FARP2: variants seen among roughly 807,000 people sequenced by gnomAD.
FARP2 encodes the protein FERM, ARH/RhoGEF and pleckstrin domain protein 2.
In FARP2, 111 loss-of-function variants were observed where a neutral mutation model predicts 130.5. The observed-to-expected ratio is 0.85, with a 90% CI of 0.73 to 1.00. The LOEUF (loss-of-function observed/expected upper bound fraction) is 1.00. Ranked by LOEUF, FARP2 falls within the 50% of genes least tolerant of loss-of-function variation. FARP2 has a pLI of 0.00. For synonymous variants in FARP2, 504 were observed against 516.9 expected (o/e 0.98, Z 0.34); for missense variants, 1,385 against 1,346.3 (o/e 1.03, Z -0.45).
At chr2:241,411,503 C>T (rs1291396492) in intron 6 of FARP2, among the ~76,000 whole-genome samples, 3 of 152,194 alleles carry the variant, frequency 2.0e-5, no homozygotes, top group African/African-American at 7.2e-5. Context: ...AAGTTACAGT[C>T]CTCTCAGATT....
chr2:241,427,121 G>C (rs1349366726), intron 8 of FARP2, among the ~76,000 whole-genome samples: 1 of 152,102 alleles, frequency 6.6e-6, no homozygotes, highest in Non-Finnish European at 1.5e-5. Context: ...TGTAATGCCA[G>C]CTACTCAGGA....
At chr2:241,483,436 T>C (rs1213563929) in intron 19 of FARP2, 29 bp from the exon 20 acceptor site, 3 of 1,609,202 alleles carry the variant, frequency 1.9e-6, no homozygotes, top group Non-Finnish European at 1.7e-6. Flanking sequence ...CTCAGCCCGC[T>C]GAAAGGGGAC....
At chr2:241,363,191 G>A (rs2061229328) in intron 1 of FARP2, among the ~76,000 whole-genome samples, 2 of 152,258 alleles carry the variant, frequency 1.3e-5, no homozygotes, top group South Asian at 4.1e-4. Flanking sequence ...AACAGGGAGA[G>A]CTACAGAGTA....
intron 2 of FARP2, among the ~76,000 whole-genome samples, chr2:241,376,457 A>G (rs909929625): frequency 6.6e-6 from 1 of 152,204 alleles, no homozygotes; most frequent in East Asian, 1.9e-4. Flanking sequence ...TGGAAGTGCA[A>G]TTGTCTGTGC....
chr2:241,475,389 C>T lies in FARP2; in HGVS notation c.2132-468C>T, dbSNP rs1426947478. Among the ~76,000 whole-genome samples, 1 of 152,174 alleles carries T rather than the reference C, an allele frequency of 6.6e-6. No individual in the cohort carries two copies. Among genetic ancestry groups the T allele is most frequent in the African/African-American group, 2.4e-5 (1 of 41,416 alleles). On this transcript the variant is annotated intron_variant, in intron 18 of 26. Transcript: ENST00000264042. This position sits in a 1 kb window ranked among gnomAD's most constrained non-coding sequence, Gnocchi z 4.4. ...GACTAGTACCAGTCCAGTCCATAGC[C>T]TGTTAGGAACCAGGCCACACGGCAG...
intron 17 of FARP2, chr2:241,466,141 G>A (rs2064162582): frequency 1.9e-6 from 2 of 1,068,164 alleles, no homozygotes; most frequent in Non-Finnish European, 2.3e-6. Context: ...CCAAATCTGG[G>A]TGTCAGAGGC....
chr2:241,486,824 G>A (rs975040437), intron 21 of FARP2, among the ~76,000 whole-genome samples: 3 of 152,178 alleles, frequency 2.0e-5, no homozygotes, highest in African/African-American at 4.8e-5. Flanking sequence ...GAGCACCTGC[G>A]CCAGCTGACC....
chr2:241,385,023 A>G (rs1219500589), intron 2 of FARP2, among the ~76,000 whole-genome samples: 3 of 152,372 alleles, frequency 2.0e-5, no homozygotes, highest in South Asian at 4.1e-4. Context: ...TAAATTGTAC[A>G]TAAGTCCTAA....
At chr2:241,366,125 A>ATATATATATACATATATATATATATG (rs1553705676) in intron 1 of FARP2, among the ~76,000 whole-genome samples, 6 of 67,362 alleles carry the variant, frequency 8.9e-5, no homozygotes, top group African/African-American at 2.8e-4. Flanking sequence ...ATATATACGT[A>ATATATATATACATATATATATATATG]TATATATATA....
intron 2 of FARP2, among the ~76,000 whole-genome samples, chr2:241,401,344 G>C (rs1176402576): frequency 6.6e-6 from 1 of 152,164 alleles, no homozygotes; most frequent in East Asian, 1.9e-4. Flanking sequence ...GAAGAAGTAA[G>C]AATGCTCTTG....
At position 241,413,343 on chromosome 2, in the gene FARP2, A is replaced by C. The variant is rs765663592; in HGVS notation, c.545A>C (p.Glu182Ala). Residue 182 changes from glutamate (E) to alanine (A), a missense_variant, in exon 7 of 27, where the codon GAG becomes GCG. By Grantham distance (107) the Glu-to-Ala change is moderately radical (BLOSUM62 -1). Coordinates refer to ENST00000264042, the MANE Select transcript of FARP2 (RefSeq NM_014808.4). ...IGDYDETLDR[E>A]HLKVNEYLPG... is the part of the protein sequence containing the mutation. ...GATTACGATGAAACGCTGGACCGAG[A>C]GCACCTCAAAGTGAACGAGTATTTG... 7.4e-6 allele frequency: 12 copies of C among 1,612,216 alleles called. No homozygotes were observed. The East Asian group carries it at 2.7e-4, about 36-fold the overall frequency.
intron 21 of FARP2, among the ~76,000 whole-genome samples, chr2:241,487,743 ACTCT>A (rs1468897291): frequency 1.6e-4 from 7 of 44,264 alleles, no homozygotes; most frequent in African/African-American, 5.0e-4. Flanking sequence ...AGCCTAGCCT[ACTCT>A]TTTTTTTTTT....
intron 8 of FARP2, among the ~76,000 whole-genome samples, chr2:241,428,276 C>T (rs2063006672): frequency 1.5e-5 from 2 of 136,140 alleles, no homozygotes; most frequent in South Asian, 2.3e-4. Context: ...CCTTTGTCGT[C>T]CAGGCTGGAG....
At chr2:241,465,908 C>T in intron 17 of FARP2, 3 of 1,434,036 alleles carry the variant, frequency 2.1e-6, no homozygotes, top group Non-Finnish European at 2.7e-6. Flanking sequence ...TGCATTCAGC[C>T]TAGGTGCCCT....
chr2:241,452,730 C>T (rs758872383), intron 13 of FARP2, among the ~76,000 whole-genome samples: 43 of 151,932 alleles, frequency 2.8e-4, no homozygotes, highest in Admixed American at 6.6e-5. Flanking sequence ...CACCTGAAGT[C>T]ATGAGTTCGA....
intron 20 of FARP2, 145 bp from the exon 21 acceptor site, chr2:241,484,097 G>T: frequency 6.9e-7 from 1 of 1,440,888 alleles, no homozygotes; most frequent in Non-Finnish European, 9.2e-7. Flanking sequence ...CCAAATGAAT[G>T]AATAAAAGTC....
chr2:241,463,652 G>C, intron 16 of FARP2, 184 bp downstream of exon 16: 1 of 737,990 alleles, frequency 1.4e-6, no homozygotes. Flanking sequence ...TTCCAGAAAA[G>C]AGAGTGCAAG....
At chr2:241,371,930 C>A (rs929691217) in intron 1 of FARP2, among the ~76,000 whole-genome samples, 8 of 152,024 alleles carry the variant, frequency 5.3e-5, no homozygotes, top group Admixed American at 6.6e-5. Flanking sequence ...CTAGCCTGAT[C>A]TTCGTTAAAA....
In FARP2 at chr2:241,436,543, G is replaced by T; in HGVS notation, c.1158+5G>T. The T allele has an allele frequency of 6.2e-7, 1 of 1,613,718 alleles. No individual in the cohort carries two copies. The highest frequency in any genetic ancestry group is 8.5e-7 in the Non-Finnish European group (1 of 1,179,568). On this transcript the variant is annotated splice_donor_5th_base_variant and intron_variant, in intron 12 of 26. Coordinates refer to ENST00000264042, the MANE Select transcript of FARP2 (RefSeq NM_014808.4). ...ACTGCAGACCTACCAAAACAGGTTA[G>T]TCTCTTCCGGTTCAACATGGGGGCA... is the stretch of plus-strand genomic sequence containing the variant.
Sources: gnomAD v4.1 joint callset for allele counts (sites outside exome capture counted in the v4.1 genomes callset) on GRCh38, gnomAD v4.1.1 for gene constraint, Gnocchi (gnomAD v3.1) non-coding constraint, MANE v1.5 for transcripts, NCBI Gene and HGNC (gene_info 2026-07-23, HGNC 2026-07-21) for gene names.